The following PRKD1 variants were observed in gnomAD, a reference collection of about 807,000 sequenced individuals.
PRKD1 encodes the protein serine/threonine-protein kinase D1.
A neutral mutation model predicts 95.9 loss-of-function variants in PRKD1; 63 were observed. The ratio of observed to expected loss-of-function variants is 0.66; its 90% CI spans 0.54 to 0.81. The LOEUF (loss-of-function observed/expected upper bound fraction) is 0.81, where lower values mean the gene tolerates loss of function less well. Among genes scored for constraint, PRKD1 ranks in the 30% least tolerant of loss-of-function variants. PRKD1 has a pLI of 0.00. For missense variants in PRKD1, 1,048 were observed against 1,165.3 expected (o/e 0.90, Z 1.47); for synonymous variants, 425 against 423.1 (o/e 1.00, Z -0.05).
chr14:29,579,862 T>A (rs1404957932), intron 16 of PRKD1, among the ~76,000 whole-genome samples: 1 of 152,190 alleles, frequency 6.6e-6, no homozygotes, highest in Non-Finnish European at 1.5e-5. Flanking sequence ...CAGTACATTT[T>A]CATATTCCAA....
At chr14:29,672,683 G>A (rs917815959) in intron 2 of PRKD1, among the ~76,000 whole-genome samples, 1 of 151,998 alleles carries the variant, frequency 6.6e-6, no homozygotes, top group Non-Finnish European at 1.5e-5. Context: ...ATTCAGCATA[G>A]TTACAGTAGA....
intron 1 of PRKD1, among the ~76,000 whole-genome samples, chr14:29,885,873 AG>A (rs2139403835): frequency 6.6e-6 from 1 of 151,176 alleles, no homozygotes; most frequent in South Asian, 2.1e-4. Flanking sequence ...AAGCTGAGGC[AG>A]GAGAATTGCT....
intron 1 of PRKD1, among the ~76,000 whole-genome samples, chr14:29,877,255 G>A (rs777449458): frequency 6.6e-6 from 1 of 152,196 alleles, no homozygotes. Context: ...TGCTGGTAGG[G>A]ATGTAAAATG....
chr14:29,771,058 A>T (rs138558263), intron 1 of PRKD1, among the ~76,000 whole-genome samples: 116 of 152,308 alleles, frequency 7.6e-4, no homozygotes, highest in African/African-American at 2.7e-3. Context: ...AGAAGATAGG[A>T]ACTATTCAAA....
chr14:29,876,394 T>C (rs999176982), intron 1 of PRKD1, among the ~76,000 whole-genome samples: 1 of 152,198 alleles, frequency 6.6e-6, no homozygotes, highest in East Asian at 1.9e-4. Flanking sequence ...GAAAATTTTC[T>C]GTATCCTGAT....
At chr14:29,757,040 C>T (rs1414968006) in intron 1 of PRKD1, among the ~76,000 whole-genome samples, 2 of 151,914 alleles carry the variant, frequency 1.3e-5, no homozygotes, top group Non-Finnish European at 2.9e-5. Context: ...ATTTGTAACC[C>T]AAAGTTTTCA....
intron 16 of PRKD1, among the ~76,000 whole-genome samples, chr14:29,587,992 C>G (rs546093215): frequency 6.6e-6 from 1 of 152,154 alleles, no homozygotes; most frequent in African/African-American, 2.4e-5. Flanking sequence ...CTAGTCTCCT[C>G]GCCTCTCCTC....
intron 13 of PRKD1, among the ~76,000 whole-genome samples, chr14:29,622,974 G>C (rs1879378225): frequency 6.6e-6 from 1 of 152,202 alleles, no homozygotes; most frequent in African/African-American, 2.4e-5. Context: ...ACAGTGCGTG[G>C]AGACTGGAAG....
chr14:29,585,364 C>T (rs548153887), intron 16 of PRKD1, among the ~76,000 whole-genome samples: 41 of 152,236 alleles, frequency 2.7e-4, no homozygotes, highest in Admixed American at 4.6e-4. Context: ...TTTAGAGACT[C>T]GAGTCGGCAT....
chr14:29,786,869 A>G (rs562117792), intron 1 of PRKD1, among the ~76,000 whole-genome samples: 7 of 150,576 alleles, frequency 4.6e-5, no homozygotes, highest in African/African-American at 1.5e-4. Flanking sequence ...TCCTTCAACT[A>G]ATTTTGGATT....
chr14:29,736,395 A>G (rs755977242), intron 1 of PRKD1, among the ~76,000 whole-genome samples: 8 of 152,218 alleles, frequency 5.3e-5, no homozygotes, highest in Non-Finnish European at 1.0e-4. Context: ...ATGCCTGACA[A>G]CTGAAAAGAG....
intron 7 of PRKD1, among the ~76,000 whole-genome samples, chr14:29,635,375 C>G (rs1003686418): frequency 1.3e-5 from 2 of 152,086 alleles, no homozygotes; most frequent in African/African-American, 4.8e-5. Flanking sequence ...ACCACTGCCC[C>G]CCGGCACCAT....
In PRKD1 at chr14:29,737,770, C is replaced by T. The variant is rs45601337; in HGVS notation, c.265-12096G>A. 1.3e-3 allele frequency among the ~76,000 whole-genome samples: 202 copies of T among 152,252 alleles called. 3 individuals are homozygous for T. Among genetic ancestry groups the T allele is most frequent in the Admixed American group, 9.9e-3 (151 of 15,294 alleles). On this transcript the variant is annotated intron_variant, in intron 1 of 17. Coordinates refer to ENST00000331968, the MANE Select transcript of PRKD1 (RefSeq NM_002742.3). ...GGACAGTCCAAAGTTGTTCTGAAAGCGGTAGATCCTGAGGTCTACTGGATC... is the reference window on the plus strand; with the variant it reads ...GGACAGTCCAAAGTTGTTCTGAAAGTGGTAGATCCTGAGGTCTACTGGATC...
intron 2 of PRKD1, among the ~76,000 whole-genome samples, chr14:29,708,264 G>GACT (rs1566552288): frequency 6.6e-6 from 1 of 152,060 alleles, no homozygotes; most frequent in African/African-American, 2.4e-5. Flanking sequence ...TTAGGGCATT[G>GACT]ACTATTTAAA....
chr14:29,773,296 C>A (rs919449244), intron 1 of PRKD1, among the ~76,000 whole-genome samples: 1 of 151,948 alleles, frequency 6.6e-6, no homozygotes, highest in Admixed American at 6.6e-5. Context: ...CCCCACTCTA[C>A]TAAAAATACA....
At chr14:29,705,883 G>GT (rs1029742791) in intron 2 of PRKD1, among the ~76,000 whole-genome samples, 4 of 151,856 alleles carry the variant, frequency 2.6e-5, no homozygotes, top group African/African-American at 9.7e-5. Context: ...ATGAACATCT[G>GT]TTTTTTCTAC....
At chr14:29,703,670 C>G (rs1884946760) in intron 2 of PRKD1, among the ~76,000 whole-genome samples, 1 of 151,960 alleles carries the variant, frequency 6.6e-6, no homozygotes, top group African/African-American at 2.4e-5. Flanking sequence ...ATCTTTTTTT[C>G]CCACCTCATG....
At chr14:29,884,293 T>C (rs767513138) in intron 1 of PRKD1, among the ~76,000 whole-genome samples, 1 of 152,166 alleles carries the variant, frequency 6.6e-6, no homozygotes, top group South Asian at 2.1e-4. Flanking sequence ...ATACCTCAAA[T>C]TGAAAATTGG....
intron 13 of PRKD1, among the ~76,000 whole-genome samples, chr14:29,613,258 CTTAT>C (rs1878605608): frequency 6.6e-6 from 1 of 152,192 alleles, no homozygotes. Flanking sequence ...AAATAATTGA[CTTAT>C]TTGTGATTTA....
Sources: allele counts gnomAD v4.1 joint callset (sites outside exome capture counted in the v4.1 genomes callset), GRCh38; gene constraint gnomAD v4.1.1; transcripts MANE v1.5; gene names NCBI Gene and HGNC (gene_info 2026-07-23, HGNC 2026-07-21).